Variants in DYSF observed in about 807,000 individuals in gnomAD.
The protein encoded by DYSF is dysferlin, also known as dystrophy-associated fer-1-like 1.
Under a neutral mutation model 274.9 loss-of-function variants are expected in DYSF, and 212 were observed. The observed-to-expected ratio is 0.77, with a 90% CI of 0.69 to 0.86. The LOEUF (loss-of-function observed/expected upper bound fraction) is 0.86. Ranked by LOEUF, DYSF falls within the 40% of genes least tolerant of loss-of-function variation. The pLI, the probability that DYSF is intolerant of heterozygous loss-of-function variation, is 0.00. For missense variants in DYSF, 2,666 were observed against 2,783.2 expected, an observed-to-expected ratio of 0.96 and a Z score of 0.95; for synonymous variants, 1,091 against 1,078.7, an observed-to-expected ratio of 1.01 and a Z score of -0.22.
intron 3 of DYSF, among the ~76,000 whole-genome samples, chr2:71,493,347 T>C (rs1285230724): frequency 3.3e-5 from 5 of 152,368 alleles, no homozygotes; most frequent in African/African-American, 1.2e-4. Context: ...TAGCCTCCTT[T>C]AATCTGGAAC....
At chr2:71,540,853 T>C (rs559397239) in intron 17 of DYSF, among the ~76,000 whole-genome samples, 2 of 152,276 alleles carry the variant, frequency 1.3e-5, no homozygotes, top group African/African-American at 4.8e-5. Context: ...GGCTTTATTT[T>C]ACCAATTAAT....
intron 13 of DYSF, among the ~76,000 whole-genome samples, chr2:71,527,582 A>G (rs2088084529): frequency 3.0e-5 from 2 of 67,352 alleles, no homozygotes; most frequent in Admixed American, 2.6e-4. Flanking sequence ...ATTCCCTGCA[A>G]CGTTGTTTGA....
intron 52 of DYSF, 122 bp from the exon 53 acceptor site, chr2:71,678,935 G>C: frequency 1.2e-6 from 1 of 849,764 alleles, no homozygotes; most frequent in South Asian, 1.4e-5. Flanking sequence ...CTGTGGCTCG[G>C]CCATGGATAG....
At chr2:71,669,253 C>G (rs745612366) in intron 50 of DYSF, 46 bp downstream of exon 50, 1 of 1,488,596 alleles carries the variant, frequency 6.7e-7, no homozygotes, top group Non-Finnish European at 9.2e-7. Context: ...CCGCAGCTCC[C>G]GTGCTCCCTC....
At position 71,553,142 on chromosome 2, in the gene DYSF, C is replaced by T. The variant is rs1384389868; in HGVS notation, c.1938C>T (p.Cys646=). ...GNYGNKFDMT[C]LPLASTTQYS... is the part of the protein sequence containing the mutation. ...ACGGGAACAAGTTCGACATGACCTGCCTGCCGCTGGCCTCCACCACTCAGT... is the reference window on the plus strand; with the variant it reads ...ACGGGAACAAGTTCGACATGACCTGTCTGCCGCTGGCCTCCACCACTCAGT... Residue 646 remains cysteine, a synonymous_variant, in exon 20 of 56, where the codon TGC becomes TGT. Transcript: ENST00000410020. 6.2e-6 allele frequency: 10 copies of T among 1,614,152 alleles called. No homozygotes were observed. The highest frequency in any genetic ancestry group is 1.3e-5 in the African/African-American group (1 of 75,066).
chr2:71,665,138 C>T (rs909292769), intron 46 of DYSF, 24 bp from the exon 47 acceptor site: 2 of 1,612,972 alleles, frequency 1.2e-6, no homozygotes, highest in Admixed American at 1.7e-5. Context: ...AGCATCTCAT[C>T]TATGTCTTGT....
At chr2:71,560,101 C>A (rs890677594) in intron 22 of DYSF, among the ~76,000 whole-genome samples, 4 of 152,184 alleles carry the variant, frequency 2.6e-5, no homozygotes, top group Admixed American at 2.0e-4. Context: ...CTGGGTGGAG[C>A]GCCATCAGCC....
At position 71,661,350 on chromosome 2, in the gene DYSF, G is replaced by A. The variant is rs528349103; in HGVS notation, c.5003+699G>A. 1.6e-4 allele frequency among the ~76,000 whole-genome samples: 25 copies of A among 152,100 alleles called. No individual in the cohort carries two copies. The South Asian group carries it at 5.2e-3, about 32-fold the overall frequency. ...CATCTTACCTAACCATGGGACATTT[G>A]TCAAAATGAAGAAATCATCATTGGT... On this transcript the variant is annotated intron_variant, in intron 45 of 55. Transcript: ENST00000410020.
intron 3 of DYSF, among the ~76,000 whole-genome samples, chr2:71,485,307 G>C (rs1051024472): frequency 1.3e-5 from 2 of 152,148 alleles, no homozygotes; most frequent in Non-Finnish European, 2.9e-5. Context: ...TGTAATCCCA[G>C]CACTTTGGGA....
chr2:71,545,975 T>A (rs541041167), intron 17 of DYSF, among the ~76,000 whole-genome samples: 1 of 152,262 alleles, frequency 6.6e-6, no homozygotes, highest in African/African-American at 2.4e-5. Context: ...AGAATCTTCT[T>A]GCAACCAGCT....
chr2:71,485,969 G>A (rs1471633267), intron 3 of DYSF, among the ~76,000 whole-genome samples: 2 of 152,018 alleles, frequency 1.3e-5, no homozygotes, highest in African/African-American at 2.4e-5. Context: ...GTGAGCCACC[G>A]CGCCCAGCCC....
chr2:71,602,791 A>C lies in DYSF; in HGVS notation c.3943A>C (p.Arg1315=). 6.2e-7 allele frequency: 1 copy of C among 1,613,324 alleles called. No homozygotes were observed. Among genetic ancestry groups the C allele is most frequent in the Non-Finnish European group, 8.5e-7 (1 of 1,179,878 alleles). ...IPGFEVQETS[R]ILDESEDTDL... ...TGTGGGCCAGGTGCAGGAGACATCAAGGATCCTGGATGAGGTGAGCTGGGC... is the reference window on the plus strand; with the variant it reads ...TGTGGGCCAGGTGCAGGAGACATCACGGATCCTGGATGAGGTGAGCTGGGC... Residue 1315 remains arginine (R), a synonymous_variant, in exon 36 of 56, where the codon AGG becomes CGG. Coordinates refer to ENST00000410020, the MANE Select transcript of DYSF (RefSeq NM_001130987.2).
At chr2:71,534,060 T>C (rs1018481400) in intron 14 of DYSF, among the ~76,000 whole-genome samples, 25 of 152,166 alleles carry the variant, frequency 1.6e-4, no homozygotes, top group South Asian at 4.2e-4. Context: ...CTGGGGCTCT[T>C]TTTACAGGGA....
intron 13 of DYSF, 69 bp downstream of exon 13, chr2:71,526,415 C>CCGGGGGGGGGGGGGGG: frequency 2.4e-6 from 1 of 411,236 alleles, no homozygotes; most frequent in Non-Finnish European, 3.9e-6. Context: ...TGGGGGTGGG[C>CCGGGGGGGGGGGGGGG]GATGGCGGGC....
At chr2:71,617,877 G>GTGTGTGTTT (rs1460432930) in intron 40 of DYSF, among the ~76,000 whole-genome samples, 2 of 28,210 alleles carry the variant, frequency 7.1e-5, no homozygotes, top group Non-Finnish European at 2.1e-4. Flanking sequence ...TGGTAGAGGT[G>GTGTGTGTTT]GGGTGTGTGT....
At position 71,620,553 on chromosome 2, in the gene DYSF, G is replaced by C; in HGVS notation, c.4471G>C (p.Asp1491His). Residue 1491 changes from aspartate (D) to histidine (H), a missense_variant, in exon 41 of 56, where the codon GAC becomes CAC. Asp to His is a moderately conservative substitution (Grantham distance 81, BLOSUM62 -1). This residue lies in a region of DYSF where 1,460 missense variants were observed against 1,502.1 expected (regional missense o/e 0.97). Transcript: ENST00000410020. ...CAGCATGTTTCATTTGTAGCTTGCA[G>C]ACGGTCTGTCGAGCTTGGCCCCCAC... ...KEPLIPIQLA[D>H]GLSSLAPTNT... The C allele has an allele frequency of 1.3e-6, 2 of 1,551,732 alleles. No individual in the cohort carries two copies. Among genetic ancestry groups the C allele is most frequent in the South Asian group, 2.4e-5 (2 of 84,064 alleles).
At chr2:71,492,680 T>C (rs1177775648) in intron 3 of DYSF, among the ~76,000 whole-genome samples, 3 of 149,166 alleles carry the variant, frequency 2.0e-5, no homozygotes, top group Non-Finnish European at 2.9e-5. Context: ...TTATACTTAT[T>C]ATTATTATCT....
In DYSF at chr2:71,537,223, G is replaced by GTTTTGTTTTTTT. The variant is rs1553536523; in HGVS notation, c.1493+1916_1493+1917insGTTTTTTTTTTT. On this transcript the variant is annotated intron_variant, in intron 16 of 55. Transcript: ENST00000410020. ...CAGGAAATTTTTACTTTCTAGTTTT[G>GTTTTGTTTTTTT]TTTTTTTTTTTTTTTTTTTTTTTGC... Among the ~76,000 whole-genome samples the GTTTTGTTTTTTT allele has an allele frequency of 6.5e-4, 52 of 79,614 alleles. 1 individual carries two copies. The highest frequency in any genetic ancestry group is 1.0e-3 in the African/African-American group (22 of 21,410). 52.2% of individuals were successfully genotyped at this position (79,614 alleles called of 152,430 possible). A position where few individuals can be genotyped will look rare whatever the true frequency, so the allele number is the denominator to read the frequency against.
rs144072850 is a variant in DYSF at position 71,612,760 on chromosome 2, G to A, written c.4341G>A (p.Leu1447=). The part of the protein sequence containing the change: ...QCTIRSLESF[L]CDPYSAESPS... ...CCATCCGCTCCCTGGAGAGCTTCCT[G>A]TGTGACCCCTACTCGGCGGAGAGTC... The change falls in exon 39 of 56, where the codon CTG becomes CTA. Residue 1447 remains leucine, a synonymous_variant. Coordinates refer to ENST00000410020, the MANE Select transcript of DYSF (RefSeq NM_001130987.2). 19 of 1,614,048 alleles carry A rather than the reference G, an allele frequency of 1.2e-5. No individual in the cohort carries two copies. The highest frequency in any genetic ancestry group is 1.6e-4 in the Middle Eastern group (1 of 6,084).
Sources: gnomAD v4.1 joint callset for allele counts (sites outside exome capture counted in the v4.1 genomes callset) on GRCh38, gnomAD v4.1.1 for gene constraint, gnomAD v4.1.1 regional missense constraint, MANE v1.5 for transcripts, NCBI Gene and HGNC (gene_info 2026-07-23, HGNC 2026-07-21) for gene names.